Variants in NTM observed in about 807,000 individuals in gnomAD.
NTM encodes the protein neurotrimin, also known as IgLON family member 2.
Under a neutral mutation model 42.1 loss-of-function variants are expected in NTM, and 13 were observed. That is an observed-to-expected ratio of 0.31 (90% CI 0.20 to 0.49). NTM has a LOEUF of 0.49. NTM is among the 20% of genes least tolerant of loss of function. The pLI is 0.99. For missense variants in NTM, 373 were observed against 452.8 expected (o/e 0.82, Z 1.60); for synonymous variants, 187 against 179.2 (o/e 1.04, Z -0.35).
chr11:131,694,265 G>C (rs554227003), intron 1 of NTM, among the ~76,000 whole-genome samples: 81 of 152,340 alleles, frequency 5.3e-4, no homozygotes, highest in African/African-American at 1.9e-3. Flanking sequence ...AAGTAATAGT[G>C]ATGACTTGTT....
chr11:131,657,309 A>G (rs151103410), intron 1 of NTM, among the ~76,000 whole-genome samples: 162 of 152,238 alleles, frequency 1.1e-3, no homozygotes, highest in Non-Finnish European at 1.7e-3. Context: ...GGGAAAGGTC[A>G]GTGGGGAATT....
chr11:131,676,781 T>C lies in NTM; in HGVS notation c.83-234783T>C, dbSNP rs73583652. On this transcript the variant is annotated intron_variant, in intron 1 of 8. Transcript: ENST00000683400. Reference sequence around the variant, plus strand: ...CCCTCCATATTTACTATGCACCTTCTAAGAACAAGGCGTCTTCTTCCACAG... The same window carrying C: ...CCCTCCATATTTACTATGCACCTTCCAAGAACAAGGCGTCTTCTTCCACAG... Among the ~76,000 whole-genome samples, 3 of 152,278 alleles carry C rather than the reference T, an allele frequency of 2.0e-5. No individual in the cohort carries two copies. In the East Asian group the frequency reaches 5.8e-4, roughly 29 times the overall value.
At chr11:131,401,849 TA>T (rs1945271910) in intron 1 of NTM, among the ~76,000 whole-genome samples, 1 of 102,524 alleles carries the variant, frequency 9.8e-6, no homozygotes, top group Non-Finnish European at 2.0e-5. Context: ...TATATATATA[TA>T]TATATATATA....
intron 1 of NTM, among the ~76,000 whole-genome samples, chr11:131,666,644 G>A (rs1489809040): frequency 6.6e-6 from 1 of 152,176 alleles, no homozygotes; most frequent in African/African-American, 2.4e-5. Flanking sequence ...TTGACTGAAA[G>A]CCAAGTAGCC....
At chr11:131,811,264 C>A (rs1194442556) in intron 1 of NTM, among the ~76,000 whole-genome samples, 2 of 152,178 alleles carry the variant, frequency 1.3e-5, no homozygotes, top group Non-Finnish European at 2.9e-5. Context: ...AGTCCTCATC[C>A]TTTGTGTCCT....
At chr11:132,032,172 C>T (rs1166712754) in intron 2 of NTM, among the ~76,000 whole-genome samples, 2 of 152,280 alleles carry the variant, frequency 1.3e-5, no homozygotes, top group East Asian at 1.9e-4. Flanking sequence ...TCAAGCCATT[C>T]CACCGCCTGT....
chr11:132,161,858 A>G (rs1284628516), intron 3 of NTM, among the ~76,000 whole-genome samples: 1 of 152,136 alleles, frequency 6.6e-6, no homozygotes, highest in African/African-American at 2.4e-5. Flanking sequence ...CGTTGTAGAG[A>G]GGATAAGATA....
At chr11:132,246,967 G>A (rs983501633) in intron 4 of NTM, among the ~76,000 whole-genome samples, 15 of 152,176 alleles carry the variant, frequency 9.9e-5, no homozygotes, top group Admixed American at 3.3e-4. Flanking sequence ...TTTAAGCTTT[G>A]CAGATACTGT....
chr11:132,110,858 G>T (rs1357538346), intron 2 of NTM, among the ~76,000 whole-genome samples: 1 of 151,558 alleles, frequency 6.6e-6, no homozygotes, highest in African/African-American at 2.4e-5. Context: ...AACATAGAGA[G>T]ACCTCATCTC....
At chr11:131,963,977 G>T (rs2062525155) in intron 2 of NTM, among the ~76,000 whole-genome samples, 1 of 152,170 alleles carries the variant, frequency 6.6e-6, no homozygotes, top group African/African-American at 2.4e-5. Context: ...AAGTACGCTA[G>T]TTATACTTAG....
intron 1 of NTM, among the ~76,000 whole-genome samples, chr11:131,896,249 A>G (rs2052246421): frequency 6.6e-6 from 1 of 152,242 alleles, no homozygotes; most frequent in Admixed American, 6.5e-5. Flanking sequence ...AAGTTCACAG[A>G]TAACATATAA....
At chr11:132,204,718 T>G (rs767857243) in intron 3 of NTM, among the ~76,000 whole-genome samples, 16 of 152,180 alleles carry the variant, frequency 1.1e-4, no homozygotes, top group Non-Finnish European at 1.3e-4. Context: ...TGCAAGGCCT[T>G]TGAGACCAAA....
chr11:131,391,887 G>A (rs888865745), intron 1 of NTM, among the ~76,000 whole-genome samples: 1 of 152,114 alleles, frequency 6.6e-6, no homozygotes, highest in Non-Finnish European at 1.5e-5. Context: ...AGGAAAGAAG[G>A]CTGTATTAAG....
At chr11:132,246,385 A>T (rs2091166414) in intron 4 of NTM, among the ~76,000 whole-genome samples, 1 of 152,356 alleles carries the variant, frequency 6.6e-6, no homozygotes, top group African/African-American at 2.4e-5. Flanking sequence ...CCAGTGAAAC[A>T]GCAATGGTGA....
chr11:131,788,937 A>G (rs1191913954), intron 1 of NTM, among the ~76,000 whole-genome samples: 1 of 151,184 alleles, frequency 6.6e-6, no homozygotes, highest in Non-Finnish European at 1.5e-5. Context: ...CTTCTTCCTC[A>G]CCCCTCCCTC....
chr11:131,551,421 CAA>C (rs543963237), intron 1 of NTM, among the ~76,000 whole-genome samples: 4 of 87,036 alleles, frequency 4.6e-5, no homozygotes, highest in Non-Finnish European at 5.1e-5. Context: ...GAGGTTCCTC[CAA>C]AAAAAAAAAA....
At chr11:132,029,334 TC>T (rs1185217205) in intron 2 of NTM, among the ~76,000 whole-genome samples, 2 of 88,338 alleles carry the variant, frequency 2.3e-5, no homozygotes, top group African/African-American at 8.9e-5. Context: ...AAGCTATCCC[TC>T]CCCCCTCCCC....
chr11:132,093,573 A>C (rs1458907800), intron 2 of NTM, among the ~76,000 whole-genome samples: 1 of 152,170 alleles, frequency 6.6e-6, no homozygotes, highest in Admixed American at 6.5e-5. Flanking sequence ...ACACACACAC[A>C]TACACATTTA....
chr11:131,530,348 A>G (rs1321748060), intron 1 of NTM, among the ~76,000 whole-genome samples: 1 of 151,758 alleles, frequency 6.6e-6, no homozygotes. Context: ...AATGTTGAGC[A>G]TATGAGAATT....
Sources: allele counts gnomAD v4.1 joint callset (sites outside exome capture counted in the v4.1 genomes callset), GRCh38; gene constraint gnomAD v4.1.1; transcripts MANE v1.5; gene names NCBI Gene and HGNC (gene_info 2026-07-23, HGNC 2026-07-21).